The following TCF7L2 variants were observed in gnomAD, a reference collection of about 807,000 sequenced individuals.
TCF7L2 encodes transcription factor 7-like 2.
TCF7L2 carries 23 observed loss-of-function variants against 77.9 expected under a neutral mutation model. The ratio of observed to expected loss-of-function variants is 0.30; its 90% confidence interval spans 0.21 to 0.42. The LOEUF is 0.42. TCF7L2 is among the 10% of genes least tolerant of loss of function. The pLI, the probability that TCF7L2 is intolerant of heterozygous loss-of-function variation, is 1.00. For missense variants in TCF7L2, 654 were observed against 793.1 expected (o/e 0.82, Z 2.11); for synonymous variants, 413 against 340.2 (o/e 1.21, Z -2.36).
chr10:112,964,739 ATGGTGGTGGTGGTGGTGG>A (rs750227326), intron 4 of TCF7L2, 115 bp downstream of exon 4: 79 of 577,490 alleles, frequency 1.4e-4, no homozygotes, highest in African/African-American at 9.8e-4. Flanking sequence ...GATGATGATG[ATGGTGGTGGTGGTGGTGG>A]TGATGGTGGT....
intron 4 of TCF7L2, among the ~76,000 whole-genome samples, chr10:113,016,613 C>G (rs1318646448): frequency 6.6e-6 from 1 of 152,136 alleles, no homozygotes; most frequent in Non-Finnish European, 1.5e-5. Context: ...GGGAGCTCTC[C>G]GCTCTTTCCC....
chr10:113,114,612 AC>A (rs1423401743), intron 5 of TCF7L2, among the ~76,000 whole-genome samples: 1 of 152,180 alleles, frequency 6.6e-6, no homozygotes, highest in Non-Finnish European at 1.5e-5. Flanking sequence ...ATGTGAGTTA[AC>A]TGACTCATTG....
At chr10:113,017,536 C>T (rs944631114) in intron 4 of TCF7L2, among the ~76,000 whole-genome samples, 18 of 152,224 alleles carry the variant, frequency 1.2e-4, no homozygotes, top group African/African-American at 4.3e-4. Flanking sequence ...TGGCTGGAGC[C>T]TGGCTGGGAA....
At chr10:112,979,336 T>A (rs1292421271) in intron 4 of TCF7L2, among the ~76,000 whole-genome samples, 2 of 152,194 alleles carry the variant, frequency 1.3e-5, no homozygotes, top group East Asian at 3.8e-4. Flanking sequence ...CAGTTCATTG[T>A]ATGAGGTCAT....
chr10:113,051,874 C>T (rs931943162), intron 5 of TCF7L2, among the ~76,000 whole-genome samples: 9 of 152,108 alleles, frequency 5.9e-5, no homozygotes, highest in Admixed American at 3.3e-4. Context: ...CTGAAGAATC[C>T]TTAGATAATT....
intron 5 of TCF7L2, among the ~76,000 whole-genome samples, chr10:113,136,686 A>G (rs1030083912): frequency 2.6e-5 from 4 of 152,190 alleles, no homozygotes. Flanking sequence ...TAAAGAGATA[A>G]AAGGGGGAGG....
At chr10:113,063,526 G>A (rs1174082084) in intron 5 of TCF7L2, among the ~76,000 whole-genome samples, 2 of 152,262 alleles carry the variant, frequency 1.3e-5, no homozygotes, top group African/African-American at 4.8e-5. Context: ...GGATGGAGAG[G>A]AGAGGAGAGC....
chr10:113,149,415 C>T (rs2070259386), intron 8 of TCF7L2, among the ~76,000 whole-genome samples: 1 of 152,182 alleles, frequency 6.6e-6, no homozygotes, highest in Non-Finnish European at 1.5e-5. Flanking sequence ...AAGGCAGTGG[C>T]AGGAAAGGCC....
At chr10:113,083,316 A>G (rs141440531) in intron 5 of TCF7L2, among the ~76,000 whole-genome samples, 12 of 150,916 alleles carry the variant, frequency 8.0e-5, no homozygotes, top group East Asian at 5.9e-4. Flanking sequence ...GCCCATACTC[A>G]CACCTTGCCA....
chr10:113,162,901 G>A (rs1022165515), intron 13 of TCF7L2, among the ~76,000 whole-genome samples: 18 of 152,118 alleles, frequency 1.2e-4, no homozygotes, highest in African/African-American at 4.3e-4. Context: ...GCCTAGGTTG[G>A]GGGTGCTAAG....
intron 5 of TCF7L2, among the ~76,000 whole-genome samples, chr10:113,070,009 G>T (rs573111182): frequency 6.6e-5 from 10 of 152,092 alleles, no homozygotes; most frequent in Admixed American, 1.3e-4. Context: ...TGTAATCTCA[G>T]CACTTTGGGA....
intron 4 of TCF7L2, among the ~76,000 whole-genome samples, chr10:113,003,205 C>T (rs2044809377): frequency 6.6e-6 from 1 of 152,182 alleles, no homozygotes; most frequent in African/African-American, 2.4e-5. Flanking sequence ...TGTCTCTTTC[C>T]AACTCCCCCC....
intron 5 of TCF7L2, among the ~76,000 whole-genome samples, chr10:113,043,398 G>T (rs190553977): frequency 3.9e-4 from 60 of 152,310 alleles, no homozygotes; most frequent in African/African-American, 1.4e-3. Flanking sequence ...TTTACATTAA[G>T]AATAGACTCC....
chr10:113,005,014 A>G (rs1375547867), intron 4 of TCF7L2, among the ~76,000 whole-genome samples: 2 of 152,208 alleles, frequency 1.3e-5, no homozygotes, highest in Non-Finnish European at 2.9e-5. Context: ...TGCCTCAGAA[A>G]GTCTTGCTCT....
At chr10:112,990,230 G>A (rs895943492) in intron 4 of TCF7L2, among the ~76,000 whole-genome samples, 1 of 152,148 alleles carries the variant, frequency 6.6e-6, no homozygotes, top group Admixed American at 6.5e-5. Flanking sequence ...GGGTATCTCA[G>A]CTTAGACACA....
Position 113,143,960 on chromosome 10 carries a change from G to A in TCF7L2, c.723G>A (p.Pro241=), listed in dbSNP as rs760494293. The A allele has an allele frequency of 6.8e-6, 11 of 1,613,726 alleles. No individual in the cohort carries two copies. Among genetic ancestry groups the A allele is most frequent in the Admixed American group, 1.7e-5 (1 of 59,974 alleles). The change falls in exon 7 of 14, where the codon CCG becomes CCA. Residue 241 remains proline (P), a synonymous_variant. Coordinates refer to ENST00000627217, the MANE Select transcript of TCF7L2 (RefSeq NM_001146274.2). Reference sequence around the variant, plus strand: ...CTCCGCACCCTCCAGATATATCCCCGTATTACCCACTATCGCCTGGCACCG... The same window carrying A: ...CTCCGCACCCTCCAGATATATCCCCATATTACCCACTATCGCCTGGCACCG...
At chr10:113,086,768 A>C (rs1467148658) in intron 5 of TCF7L2, among the ~76,000 whole-genome samples, 2 of 110,234 alleles carry the variant, frequency 1.8e-5, no homozygotes, top group Non-Finnish European at 3.6e-5. Context: ...AAGGAAAAAA[A>C]AAAAAAAACT....
At chr10:112,984,796 T>C (rs2041178968) in intron 4 of TCF7L2, among the ~76,000 whole-genome samples, 1 of 152,214 alleles carries the variant, frequency 6.6e-6, no homozygotes, top group African/African-American at 2.4e-5. Flanking sequence ...GGTCTTGGTT[T>C]GCTCATCTGT....
intron 5 of TCF7L2, among the ~76,000 whole-genome samples, chr10:113,111,512 C>G (rs918866084): frequency 2.6e-5 from 4 of 152,192 alleles, no homozygotes; most frequent in Non-Finnish European, 4.4e-5. Context: ...TACTAACCAA[C>G]TGGGTGCGGT....
Sources: gnomAD v4.1 joint callset for allele counts (sites outside exome capture counted in the v4.1 genomes callset) on GRCh38, gnomAD v4.1.1 for gene constraint, MANE v1.5 for transcripts, NCBI Gene and HGNC (gene_info 2026-07-23, HGNC 2026-07-21) for gene names.